EXOC6: variants seen among roughly 807,000 people sequenced by gnomAD.
EXOC6 encodes the protein exocyst complex component 6.
A neutral mutation model predicts 112.5 loss-of-function variants in EXOC6; 60 were observed. The observed-to-expected ratio is 0.53, with a 90% CI of 0.43 to 0.66. The LOEUF is 0.66. EXOC6 is among the 30% of genes least tolerant of loss of function. The pLI, the probability that EXOC6 is intolerant of heterozygous loss-of-function variation, is 0.00. For missense variants in EXOC6, 855 were observed against 957.1 expected (o/e 0.89, Z 1.41); for synonymous variants, 295 against 308.0 (o/e 0.96, Z 0.44).
rs1853471699 is a variant in EXOC6 at position 92,952,406 on chromosome 10, A to G, written c.1526+24A>G. On this transcript the variant is annotated intron_variant, in intron 15 of 21. Transcript: ENST00000260762. Reference sequence around the variant, plus strand: ...AGGTGAGTTTACTAATCACAAATGCATTTTTGTCATAACTTTTATGAAACA... The same window carrying G: ...AGGTGAGTTTACTAATCACAAATGCGTTTTTGTCATAACTTTTATGAAACA... The G allele has an allele frequency of 3.0e-6, 4 of 1,343,180 alleles. No homozygotes were observed. The East Asian group carries it at 9.2e-5, about 31-fold the overall frequency. The allele number at this position is 1,343,180 out of a possible 1,614,324, so 83.2% of individuals were successfully genotyped here.
At chr10:93,055,095 A>G (rs1241737235) in intron 20 of EXOC6, among the ~76,000 whole-genome samples, 1 of 152,296 alleles carries the variant, frequency 6.6e-6, no homozygotes, top group South Asian at 2.1e-4. Flanking sequence ...CTCCCGCCTC[A>G]GTCTCCAGAG....
chr10:93,004,988 G>A (rs1363736657), intron 19 of EXOC6, among the ~76,000 whole-genome samples: 1 of 151,854 alleles, frequency 6.6e-6, no homozygotes, highest in Non-Finnish European at 1.5e-5. Flanking sequence ...GGGCTTTGAA[G>A]TCATATATTA....
chr10:92,946,797 C>G (rs891628874), intron 13 of EXOC6, among the ~76,000 whole-genome samples: 1 of 152,168 alleles, frequency 6.6e-6, no homozygotes, highest in Non-Finnish European at 1.5e-5. Context: ...CTCCCATAAT[C>G]TCTTTAGAAA....
chr10:92,929,987 A>T (rs543039651), intron 9 of EXOC6, among the ~76,000 whole-genome samples: 1 of 152,238 alleles, frequency 6.6e-6, no homozygotes, highest in South Asian at 2.1e-4. Flanking sequence ...AATCCCAGGT[A>T]CCTTAAATAA....
intron 19 of EXOC6, among the ~76,000 whole-genome samples, chr10:93,001,506 G>C (rs1239344680): frequency 6.6e-6 from 1 of 152,162 alleles, no homozygotes; most frequent in Admixed American, 6.5e-5. Context: ...GTCACCACCA[G>C]TCTATATTGT....
upstream of EXOC6, chr10:92,831,207 G>A: frequency 1.9e-6 from 1 of 538,712 alleles, no homozygotes; most frequent in East Asian, 6.8e-5. Flanking sequence ...GAAGACAGTG[G>A]GGTGGGAGTA....
chr10:92,946,851 G>A (rs1853047582), intron 13 of EXOC6, among the ~76,000 whole-genome samples: 1 of 150,924 alleles, frequency 6.6e-6, no homozygotes, highest in South Asian at 2.1e-4. Context: ...TCACTTCTCT[G>A]TCTAACTTTC....
chr10:92,956,245 A>T (rs1853689710), intron 17 of EXOC6, among the ~76,000 whole-genome samples: 1 of 152,078 alleles, frequency 6.6e-6, no homozygotes, highest in Admixed American at 6.5e-5. Flanking sequence ...AAACAATTTC[A>T]TAAGGTATTT....
intron 18 of EXOC6, among the ~76,000 whole-genome samples, chr10:92,989,936 A>G (rs556566329): frequency 6.6e-6 from 1 of 152,314 alleles, no homozygotes; most frequent in South Asian, 2.1e-4. Flanking sequence ...TGGTATTTCT[A>G]TGACATATTT....
At chr10:92,998,462 A>C (rs1190988247) in intron 19 of EXOC6, among the ~76,000 whole-genome samples, 1 of 152,214 alleles carries the variant, frequency 6.6e-6, no homozygotes, top group Non-Finnish European at 1.5e-5. Context: ...TTAAAAAATT[A>C]AATGTCAGCA....
At chr10:92,993,788 G>A (rs835235) in intron 18 of EXOC6, among the ~76,000 whole-genome samples, 1,625 of 152,218 alleles carry the variant, frequency 0.011, 34 homozygotes, top group African/African-American at 0.037. Context: ...TTAAACTGAG[G>A]GTTGGTGGTT....
At chr10:92,911,613 G>A (rs1850765505) in intron 6 of EXOC6, among the ~76,000 whole-genome samples, 1 of 152,006 alleles carries the variant, frequency 6.6e-6, no homozygotes, top group African/African-American at 2.4e-5. Flanking sequence ...ATTTATTTCT[G>A]GGAGAGAATA....
intron 5 of EXOC6, among the ~76,000 whole-genome samples, chr10:92,902,651 T>A (rs1850240110): frequency 6.6e-6 from 1 of 152,148 alleles, no homozygotes; most frequent in Admixed American, 6.5e-5. Flanking sequence ...AAGTTTAAGA[T>A]GTTGAATGTT....
At chr10:93,022,099 A>G (rs1488732051) in intron 20 of EXOC6, among the ~76,000 whole-genome samples, 2 of 152,222 alleles carry the variant, frequency 1.3e-5, no homozygotes, top group Admixed American at 6.5e-5. Flanking sequence ...CTTTACAAGT[A>G]TATAGCTCAC....
chr10:92,827,085 A>T (rs1456136071), intron 1 of EXOC6, among the ~76,000 whole-genome samples: 1 of 152,208 alleles, frequency 6.6e-6, no homozygotes, highest in East Asian at 1.9e-4. Context: ...TGAATGAATG[A>T]ATAACAGTTT....
At chr10:93,044,016 A>G (rs577821819) in intron 20 of EXOC6, among the ~76,000 whole-genome samples, 1 of 152,190 alleles carries the variant, frequency 6.6e-6, no homozygotes, top group Non-Finnish European at 1.5e-5. Context: ...GAAATCTGTT[A>G]CTAACTAAGC....
At chr10:92,984,240 A>G (rs2134132327) in intron 18 of EXOC6, among the ~76,000 whole-genome samples, 1 of 152,322 alleles carries the variant, frequency 6.6e-6, no homozygotes, top group Admixed American at 6.5e-5. Context: ...ATACTCCATT[A>G]TTTAATGAAA....
chr10:92,849,455 T>C (rs969816346), intron 1 of EXOC6, among the ~76,000 whole-genome samples: 2 of 152,222 alleles, frequency 1.3e-5, no homozygotes, highest in African/African-American at 2.4e-5. Context: ...TAGAATATTA[T>C]TAGCCAGGCA....
intron 1 of EXOC6, among the ~76,000 whole-genome samples, chr10:92,858,447 T>C (rs991526577): frequency 1.3e-5 from 2 of 152,160 alleles, no homozygotes; most frequent in Non-Finnish European, 2.9e-5. Context: ...TCTCTTACTG[T>C]TTTTTCTCTC....
Sources: allele counts gnomAD v4.1 joint callset (sites outside exome capture counted in the v4.1 genomes callset), GRCh38; gene constraint gnomAD v4.1.1; transcripts MANE v1.5; gene names NCBI Gene and HGNC (gene_info 2026-07-23, HGNC 2026-07-21).